The following NTM variants were observed in gnomAD, a reference collection of about 807,000 sequenced individuals.
NTM encodes the protein IgLON family member 2.
Under a neutral mutation model 42.1 loss-of-function variants are expected in NTM, and 13 were observed. The ratio of observed to expected loss-of-function variants is 0.31; its 90% CI spans 0.20 to 0.49. NTM has a LOEUF of 0.49. NTM is among the 20% of genes least tolerant of loss of function. NTM has a pLI of 0.99. For synonymous variants in NTM, 187 were observed against 179.2 expected (o/e 1.04, Z -0.35); for missense variants, 373 against 452.8 (o/e 0.82, Z 1.60).
At chr11:132,034,747 A>G (rs1253256848) in intron 2 of NTM, among the ~76,000 whole-genome samples, 2 of 152,198 alleles carry the variant, frequency 1.3e-5, no homozygotes, top group African/African-American at 2.4e-5. Context: ...GCAATGGACT[A>G]TGCCCCACTT....
At chr11:132,187,312 C>A (rs2078590759) in intron 3 of NTM, among the ~76,000 whole-genome samples, 1 of 151,792 alleles carries the variant, frequency 6.6e-6, no homozygotes, top group Non-Finnish European at 1.5e-5. Context: ...GTATGTTCAG[C>A]AACACCATAT....
intron 2 of NTM, among the ~76,000 whole-genome samples, chr11:132,005,134 C>A (rs2070469575): frequency 6.6e-6 from 1 of 152,040 alleles, no homozygotes; most frequent in South Asian, 2.1e-4. Context: ...TAGATTAAGC[C>A]TAGTAAGGGA....
At chr11:131,964,731 C>T (rs2062617045) in intron 2 of NTM, among the ~76,000 whole-genome samples, 2 of 152,146 alleles carry the variant, frequency 1.3e-5, no homozygotes, top group South Asian at 4.1e-4. Flanking sequence ...GGGTGAGGCT[C>T]CCTGGGTTGT....
In NTM at chr11:131,581,411, C is replaced by T. The variant is rs577705554; in HGVS notation, c.82+210523C>T. 1.2e-4 allele frequency among the ~76,000 whole-genome samples: 18 copies of T among 152,260 alleles called. No individual in the cohort carries two copies. In the East Asian group the frequency reaches 3.1e-3, roughly 26 times the overall value. ...ACAGAGTCAGATGACGAAATTACAA[C>T]GAATTTAGTTGAAAGCTCCATTTGG... On this transcript the variant is annotated intron_variant, in intron 1 of 8. Transcript: ENST00000683400.
At chr11:131,736,276 C>G (rs577053979) in intron 1 of NTM, among the ~76,000 whole-genome samples, 1 of 152,292 alleles carries the variant, frequency 6.6e-6, no homozygotes, top group Admixed American at 6.5e-5. Flanking sequence ...TACTTGGTAT[C>G]CAAAATGTCA....
At chr11:131,856,579 T>C (rs529797780) in intron 1 of NTM, among the ~76,000 whole-genome samples, 1 of 152,346 alleles carries the variant, frequency 6.6e-6, no homozygotes, top group African/African-American at 2.4e-5. Context: ...AAAAATTAAA[T>C]GATGAACAAA....
chr11:131,689,676 G>A (rs2074403547), intron 1 of NTM, among the ~76,000 whole-genome samples: 1 of 152,146 alleles, frequency 6.6e-6, no homozygotes, highest in African/African-American at 2.4e-5. Flanking sequence ...AAAACGGAAG[G>A]CCAGCAAGGG....
At chr11:131,420,276 A>G (rs551764511) in intron 1 of NTM, among the ~76,000 whole-genome samples, 3 of 152,270 alleles carry the variant, frequency 2.0e-5, no homozygotes, top group Non-Finnish European at 4.4e-5. Context: ...AGGAGACCTG[A>G]TGATGGGAGA....
At chr11:131,559,147 C>T (rs920022529) in intron 1 of NTM, among the ~76,000 whole-genome samples, 4 of 152,190 alleles carry the variant, frequency 2.6e-5, no homozygotes, top group African/African-American at 7.2e-5. Flanking sequence ...TTGTTTACTT[C>T]CCACGGCCAG....
At chr11:131,910,525 C>G (rs572808174) in intron 1 of NTM, among the ~76,000 whole-genome samples, 22 of 151,410 alleles carry the variant, frequency 1.5e-4, no homozygotes, top group African/African-American at 4.8e-4. Flanking sequence ...CCAGCCCGCC[C>G]GCTCGCTCCG....
chr11:131,784,436 G>C (rs2088758025), intron 1 of NTM, among the ~76,000 whole-genome samples: 2 of 152,028 alleles, frequency 1.3e-5, no homozygotes, highest in African/African-American at 4.8e-5. Flanking sequence ...AAGAAACTTT[G>C]ATACACAAAG....
intron 2 of NTM, among the ~76,000 whole-genome samples, chr11:132,026,557 G>A (rs1565976126): frequency 6.6e-6 from 1 of 152,062 alleles, no homozygotes; most frequent in Non-Finnish European, 1.5e-5. Context: ...ATCTACAATA[G>A]CTTTGTCATC....
intron 2 of NTM, among the ~76,000 whole-genome samples, chr11:132,090,183 C>T (rs2060218764): frequency 6.6e-6 from 1 of 152,150 alleles, no homozygotes. Flanking sequence ...TATTCTGACT[C>T]TAGCAGAAGG....
intron 4 of NTM, among the ~76,000 whole-genome samples, chr11:132,254,529 G>C (rs1269369325): frequency 2.0e-5 from 3 of 151,978 alleles, no homozygotes; most frequent in African/African-American, 7.2e-5. Flanking sequence ...CCGTGGCATT[G>C]TTCTCAAGTC....
chr11:132,125,566 G>GT (rs2065598830), intron 2 of NTM, among the ~76,000 whole-genome samples: 1 of 144,228 alleles, frequency 6.9e-6, no homozygotes, highest in Non-Finnish European at 1.5e-5. Flanking sequence ...GTGTGTGGTG[G>GT]GGTATGAATG....
chr11:131,629,608 A>G (rs2063461284), intron 1 of NTM, among the ~76,000 whole-genome samples: 1 of 152,204 alleles, frequency 6.6e-6, no homozygotes, highest in Non-Finnish European at 1.5e-5. Context: ...TGGAAGCCCC[A>G]GGAAGAAGGC....
At chr11:131,752,516 T>A (rs187951162) in intron 1 of NTM, among the ~76,000 whole-genome samples, 321 of 152,338 alleles carry the variant, frequency 2.1e-3, no homozygotes, top group Non-Finnish European at 3.6e-3. Context: ...AAATACCATT[T>A]GATTCAGCAA....
At chr11:132,167,794 G>A (rs1042869771) in intron 3 of NTM, among the ~76,000 whole-genome samples, 1 of 152,182 alleles carries the variant, frequency 6.6e-6, no homozygotes, top group African/African-American at 2.4e-5. Flanking sequence ...CCAGGTAGAG[G>A]TTGTTAGATG....
At chr11:131,553,857 C>T (rs1031391532) in intron 1 of NTM, among the ~76,000 whole-genome samples, 4 of 152,214 alleles carry the variant, frequency 2.6e-5, no homozygotes, top group African/African-American at 7.2e-5. Context: ...GTGGCACACA[C>T]GGTCATCTAC....
Sources: gnomAD v4.1 joint callset for allele counts (sites outside exome capture counted in the v4.1 genomes callset) on GRCh38, gnomAD v4.1.1 for gene constraint, MANE v1.5 for transcripts, NCBI Gene and HGNC (gene_info 2026-07-23, HGNC 2026-07-21) for gene names.